ADAMTS18: variants seen among roughly 807,000 people sequenced by gnomAD.
The protein encoded by ADAMTS18 is A disintegrin and metalloproteinase with thrombospondin motifs 18.
A neutral mutation model predicts 165.9 loss-of-function variants in ADAMTS18; 157 were observed. The observed-to-expected ratio is 0.95, with a 90% CI of 0.83 to 1.08. The LOEUF (loss-of-function observed/expected upper bound fraction) is 1.08. Ranked by LOEUF, ADAMTS18 falls within the 50% of genes least tolerant of loss-of-function variation. The pLI is 0.00. For missense variants in ADAMTS18, 2,040 were observed against 1,534.0 expected (o/e 1.33, Z -5.51); for synonymous variants, 782 against 578.2 (o/e 1.35, Z -5.06).
intron 3 of ADAMTS18, among the ~76,000 whole-genome samples, chr16:77,398,977 G>T (rs2057293440): frequency 6.6e-6 from 1 of 152,190 alleles, no homozygotes; most frequent in African/African-American, 2.4e-5. Flanking sequence ...TAGGTATGTA[G>T]AAATAGAACT....
intron 18 of ADAMTS18, among the ~76,000 whole-genome samples, chr16:77,296,479 A>C (rs1393629765): frequency 6.6e-6 from 1 of 152,154 alleles, no homozygotes; most frequent in Non-Finnish European, 1.5e-5. Flanking sequence ...AAATTGAACT[A>C]ATTTAGGATT....
chr16:77,295,699 C>T (rs919206681), intron 18 of ADAMTS18, among the ~76,000 whole-genome samples: 6 of 152,110 alleles, frequency 3.9e-5, no homozygotes, highest in African/African-American at 1.4e-4. Context: ...TAAGTGGGTA[C>T]TTCCCCAAAT....
In ADAMTS18 at chr16:77,307,367, C is replaced by T. The variant is rs574440719; in HGVS notation, c.2533-6963G>A. ...AGAACATGACCAGGTATCATCATTG[C>T]TATTATGTGTGAGTGATTGAATTTG... On this transcript the variant is annotated intron_variant, in intron 16 of 22. Coordinates refer to ENST00000282849, the MANE Select transcript of ADAMTS18 (RefSeq NM_199355.4). Among the ~76,000 whole-genome samples the T allele has an allele frequency of 1.2e-4, 18 of 152,228 alleles. No homozygotes were observed. The South Asian group carries it at 1.7e-3, about 14-fold the overall frequency.
rs569756996 is a variant in ADAMTS18, at chr16:77,410,678, C to T, written c.495+20617G>A. On this transcript the variant is annotated intron_variant, in intron 3 of 22. Coordinates refer to ENST00000282849, the MANE Select transcript of ADAMTS18 (RefSeq NM_199355.4). ...GGCAGGTAGCCAGAGACCGCCCTTG[C>T]TTGTTGTAATCCCTGCTGAGAAACC... is the stretch of plus-strand genomic sequence containing the variant. 1.1e-3 allele frequency among the ~76,000 whole-genome samples: 162 copies of T among 152,246 alleles called. 1 individual carries two copies. The highest frequency in any genetic ancestry group is 3.7e-3 in the African/African-American group (154 of 41,562).
intron 16 of ADAMTS18, among the ~76,000 whole-genome samples, chr16:77,307,859 G>A (rs2055709040): frequency 6.6e-6 from 1 of 152,082 alleles, no homozygotes; most frequent in Non-Finnish European, 1.5e-5. Context: ...GGTCACAAAG[G>A]AGCTGGATGA....
chr16:77,294,872 T>G (rs755417562), intron 19 of ADAMTS18, 51 bp downstream of exon 19: 15 of 1,576,360 alleles, frequency 9.5e-6, no homozygotes, highest in African/African-American at 1.3e-5. Flanking sequence ...CACCTCTACT[T>G]TTGCCTTCAT....
chr16:77,328,235 C>T (rs564331442), intron 12 of ADAMTS18, among the ~76,000 whole-genome samples: 8 of 152,120 alleles, frequency 5.3e-5, no homozygotes, highest in Non-Finnish European at 1.2e-4. Flanking sequence ...TAACATCGTA[C>T]CCAGCTTACT....
At chr16:77,359,882 T>C (rs1389043354) in intron 7 of ADAMTS18, among the ~76,000 whole-genome samples, 3 of 152,208 alleles carry the variant, frequency 2.0e-5, no homozygotes, top group Non-Finnish European at 2.9e-5. Context: ...GGTCTTTTAC[T>C]AGAGCAGAAA....
At chr16:77,406,097 CA>C (rs1414146965) in intron 3 of ADAMTS18, among the ~76,000 whole-genome samples, 1 of 152,142 alleles carries the variant, frequency 6.6e-6, no homozygotes, top group East Asian at 1.9e-4. Flanking sequence ...AATTTTCTCA[CA>C]AACATACAGA....
At chr16:77,351,288 T>A (rs1227971218) in intron 10 of ADAMTS18, among the ~76,000 whole-genome samples, 1 of 152,212 alleles carries the variant, frequency 6.6e-6, no homozygotes, top group Non-Finnish European at 1.5e-5. Flanking sequence ...CTTTCTCACC[T>A]TCCCTGTCCT....
At chr16:77,285,707 T>G (rs1212004899) in intron 22 of ADAMTS18, among the ~76,000 whole-genome samples, 1 of 152,202 alleles carries the variant, frequency 6.6e-6, no homozygotes, top group African/African-American at 2.4e-5. Context: ...TTGTTTGAGC[T>G]TCTACTGTGA....
In ADAMTS18 at chr16:77,314,467, C is replaced by G. The variant is rs142607395; in HGVS notation, c.2532+5382G>C. 1.6e-3 allele frequency among the ~76,000 whole-genome samples: 241 copies of G among 151,254 alleles called. 2 individuals are homozygous for G. The highest frequency in any genetic ancestry group is 5.5e-3 in the African/African-American group (225 of 41,186). On this transcript the variant is annotated intron_variant, in intron 16 of 22. Transcript: ENST00000282849. ...TACTAAAAAACATATACAAAATTAG[C>G]TGGGCATGGTAGTGCACGCCTGTAA...
At chr16:77,323,911 C>T (rs777192237) in intron 13 of ADAMTS18, among the ~76,000 whole-genome samples, 1 of 152,204 alleles carries the variant, frequency 6.6e-6, no homozygotes, top group Admixed American at 6.5e-5. Context: ...CAGTAAACAT[C>T]TGTTGCATGC....
At chr16:77,358,308 G>A (rs764236664) in intron 8 of ADAMTS18, among the ~76,000 whole-genome samples, 12 of 152,130 alleles carry the variant, frequency 7.9e-5, no homozygotes, top group Non-Finnish European at 1.8e-4. Flanking sequence ...GGGCGTGGTG[G>A]CTCACACCTG....
intron 3 of ADAMTS18, among the ~76,000 whole-genome samples, chr16:77,416,056 G>A (rs2057526126): frequency 6.6e-6 from 1 of 152,146 alleles, no homozygotes; most frequent in African/African-American, 2.4e-5. Flanking sequence ...AGTGAGTCAA[G>A]CACTGGGCAA....
chr16:77,425,184 TA>T (rs1451210862), intron 3 of ADAMTS18, among the ~76,000 whole-genome samples: 13 of 152,020 alleles, frequency 8.6e-5, no homozygotes, highest in African/African-American at 3.1e-4. Flanking sequence ...AGGCCACCAG[TA>T]AAACAAAGAT....
intron 3 of ADAMTS18, among the ~76,000 whole-genome samples, chr16:77,370,649 C>T (rs1231074355): frequency 1.3e-5 from 2 of 152,064 alleles, no homozygotes; most frequent in Non-Finnish European, 2.9e-5. Flanking sequence ...ACTCAGGAGG[C>T]TGAGACAGGA....
chr16:77,326,246 AT>A (rs960395506), intron 12 of ADAMTS18, among the ~76,000 whole-genome samples: 1 of 152,000 alleles, frequency 6.6e-6, no homozygotes, highest in African/African-American at 2.4e-5. Flanking sequence ...CAATCAGGGG[AT>A]TTTTTTCTAG....
chr16:77,379,850 T>A (rs2057006827), intron 3 of ADAMTS18, among the ~76,000 whole-genome samples: 1 of 152,150 alleles, frequency 6.6e-6, no homozygotes, highest in African/African-American at 2.4e-5. Flanking sequence ...ACCTGAGCAC[T>A]TCAAGGTCAC....
Sources: allele counts gnomAD v4.1 joint callset (sites outside exome capture counted in the v4.1 genomes callset), GRCh38; gene constraint gnomAD v4.1.1; transcripts MANE v1.5; gene names NCBI Gene and HGNC (gene_info 2026-07-23, HGNC 2026-07-21).